EEF1AKMT1: variants seen among roughly 807,000 people sequenced by gnomAD.
EEF1AKMT1 encodes the protein EEF1A lysine methyltransferase 1, also known as N-6 adenine-specific DNA methyltransferase 2 (putative).
In EEF1AKMT1, 18 loss-of-function variants were observed where a neutral mutation model predicts 21.0. The ratio of observed to expected loss-of-function variants is 0.86; its 90% CI spans 0.59 to 1.27. The LOEUF (loss-of-function observed/expected upper bound fraction) is 1.27. EEF1AKMT1 is among the 50% of genes most tolerant of loss of function. The pLI, the probability that EEF1AKMT1 is intolerant of heterozygous loss-of-function variation, is 0.00. For missense variants in EEF1AKMT1, 246 were observed against 258.6 expected (o/e 0.95, Z 0.33); for synonymous variants, 109 against 94.8 (o/e 1.15, Z -0.87).
chr13:20,728,910 C>A lies in EEF1AKMT1; in HGVS notation c.*170G>T. 2 of 793,990 alleles carry A rather than the reference C, an allele frequency of 2.5e-6. No homozygotes were observed. Among genetic ancestry groups the A allele is most frequent in the Non-Finnish European group, 2.0e-6 (1 of 504,148 alleles). The allele number at this position is 793,990 out of a possible 1,614,324, so 49.2% of individuals were successfully genotyped here. A position where few individuals can be genotyped will look rare whatever the true frequency, so the allele number is the denominator to read the frequency against. The stretch of plus-strand genomic sequence containing the variant: ...GGCAGAAGACTGAGCTCTAGGGACG[C>A]CCTCCCTAAGGAAACAATAATGAAG... On this transcript the variant is annotated 3_prime_UTR_variant, in exon 5 of 5. Transcript: ENST00000382758.
chr13:20,738,699 A>G (rs751472263), intron 2 of EEF1AKMT1, among the ~76,000 whole-genome samples: 1 of 152,232 alleles, frequency 6.6e-6, no homozygotes, highest in Non-Finnish European at 1.5e-5. Flanking sequence ...AGTCTTGGAA[A>G]CATTACACTG....
chr13:20,760,486 A>G (rs1398979326), intron 1 of EEF1AKMT1, among the ~76,000 whole-genome samples: 1 of 152,100 alleles, frequency 6.6e-6, no homozygotes, highest in Non-Finnish European at 1.5e-5. Context: ...GAGCTAAACA[A>G]TGGGTACAGG....
intron 1 of EEF1AKMT1, among the ~76,000 whole-genome samples, chr13:20,770,974 A>C (rs965345705): frequency 1.3e-5 from 2 of 151,474 alleles, no homozygotes; most frequent in Admixed American, 6.6e-5. Context: ...CAAATTCCCC[A>C]GCTCAAGCAA....
At chr13:20,736,733 C>CTTTTTTT (rs71087090) in intron 3 of EEF1AKMT1, among the ~76,000 whole-genome samples, 9 of 87,074 alleles carry the variant, frequency 1.0e-4, no homozygotes, top group African/African-American at 1.4e-4. Context: ...AACCATTTGA[C>CTTTTTTT]TTTTTTTTTT....
chr13:20,750,063 G>C (rs1377441084), intron 2 of EEF1AKMT1, among the ~76,000 whole-genome samples: 1 of 152,046 alleles, frequency 6.6e-6, no homozygotes, highest in African/African-American at 2.4e-5. Flanking sequence ...TTATCTGCTA[G>C]TTTTCCAATG....
At chr13:20,761,744 T>C (rs963462687) in intron 1 of EEF1AKMT1, among the ~76,000 whole-genome samples, 2 of 152,220 alleles carry the variant, frequency 1.3e-5, no homozygotes, top group South Asian at 2.1e-4. Context: ...TGCAGTCATG[T>C]AGTTGTTTTT....
At chr13:20,760,021 C>T (rs901810177) in intron 1 of EEF1AKMT1, among the ~76,000 whole-genome samples, 72 of 143,942 alleles carry the variant, frequency 5.0e-4, no homozygotes, top group African/African-American at 1.2e-3. Flanking sequence ...AGGAGAATGG[C>T]GCGAACCCGG....
In EEF1AKMT1 at chr13:20,731,759, G is replaced by T. The variant is rs1159989812; in HGVS notation, c.508+82C>A. On this transcript the variant is annotated intron_variant, in intron 4 of 4. Coordinates refer to ENST00000382758, the MANE Select transcript of EEF1AKMT1 (RefSeq NM_001318939.2). ...GTTCACAAGTCACACAGGAAGTGGT[G>T]GACTCAGGATTTTTTCTTGACCCTG... 1.0e-5 allele frequency: 14 copies of T among 1,397,722 alleles called. No individual in the cohort carries two copies. In the East Asian group the frequency reaches 1.4e-4, roughly 14 times the overall value. 86.6% of individuals were successfully genotyped at this position (1,397,722 alleles called of 1,614,324 possible).
At position 20,773,923 on chromosome 13, in the gene EEF1AKMT1, G is replaced by A. The variant is rs2059076871; in HGVS notation, c.-22C>T. Reference sequence around the variant, plus strand: ...CTGCGCCCGAACCCGCCACTCACCAGCCGCGCGTGCGCAGTCGCCCAGACT... The same window carrying A: ...CTGCGCCCGAACCCGCCACTCACCAACCGCGCGTGCGCAGTCGCCCAGACT... On this transcript the variant is annotated splice_region_variant and 5_prime_UTR_variant, in exon 1 of 5. Transcript: ENST00000382758. The A allele has an allele frequency of 6.6e-6, 1 of 152,526 alleles. No individual in the cohort carries two copies. Among genetic ancestry groups the A allele is most frequent in the Non-Finnish European group, 1.5e-5 (1 of 68,280 alleles). The allele number at this position is 152,526 out of a possible 1,614,324, so 9.4% of individuals were successfully genotyped here.
rs143391194 is a variant in EEF1AKMT1, at chr13:20,744,135, A to G, written c.145-6330T>C. Among the ~76,000 whole-genome samples the G allele has an allele frequency of 1.8e-3, 278 of 152,284 alleles. 2 individuals are homozygous for G. Among genetic ancestry groups the G allele is most frequent in the African/African-American group, 6.5e-3 (269 of 41,550 alleles). ...GTTGGTTCCAAGTCTTTGCTACTGTAAACAGTGCTGCAATAAACATATGTG... is the reference window on the plus strand; with the variant it reads ...GTTGGTTCCAAGTCTTTGCTACTGTGAACAGTGCTGCAATAAACATATGTG... On this transcript the variant is annotated intron_variant, in intron 2 of 4. Coordinates refer to ENST00000382758, the MANE Select transcript of EEF1AKMT1 (RefSeq NM_001318939.2).
Position 20,729,916 on chromosome 13 carries a change from C to T in EEF1AKMT1, c.509-700G>A, listed in dbSNP as rs371440810. 2.7e-4 allele frequency among the ~76,000 whole-genome samples: 41 copies of T among 152,350 alleles called. No homozygotes were observed. In the South Asian group the frequency reaches 7.5e-3, roughly 28 times the overall value. On this transcript the variant is annotated intron_variant, in intron 4 of 4. Coordinates refer to ENST00000382758, the MANE Select transcript of EEF1AKMT1 (RefSeq NM_001318939.2). ...CCCCAAAACCTCGGTCAAGTTAAAG[C>T]GAACGTCTTACGTCTTCAGACAAGT...
intron 1 of EEF1AKMT1, among the ~76,000 whole-genome samples, chr13:20,771,568 A>G (rs547476953): frequency 1.3e-5 from 2 of 152,340 alleles, no homozygotes; most frequent in South Asian, 2.1e-4. Flanking sequence ...TTAGATGACA[A>G]TAAGATTAAT....
At chr13:20,729,365 T>C (rs569235199) in intron 4 of EEF1AKMT1, 149 bp from the exon 5 acceptor site, 2 of 847,670 alleles carry the variant, frequency 2.4e-6, no homozygotes, top group Non-Finnish European at 3.6e-6. Context: ...GTTCTTTACA[T>C]TCCCTTTCAC....
At chr13:20,755,767 A>G (rs1306098967) in intron 2 of EEF1AKMT1, among the ~76,000 whole-genome samples, 2 of 152,250 alleles carry the variant, frequency 1.3e-5, no homozygotes, top group Non-Finnish European at 2.9e-5. Context: ...TATGCTTTCT[A>G]TATTTCCTCA....
intron 2 of EEF1AKMT1, among the ~76,000 whole-genome samples, chr13:20,739,183 C>T (rs893258102): frequency 6.6e-6 from 1 of 151,926 alleles, no homozygotes; most frequent in Non-Finnish European, 1.5e-5. Flanking sequence ...TCTTTGCTCC[C>T]AGTGGGTTGG....
intron 3 of EEF1AKMT1, among the ~76,000 whole-genome samples, chr13:20,732,544 G>A (rs2058803766): frequency 6.6e-6 from 1 of 152,078 alleles, no homozygotes; most frequent in East Asian, 1.9e-4. Context: ...TGTTGGCTAG[G>A]CTGGTCTTGA....
At chr13:20,753,538 GTATTCGTGCC>G (rs2058954386) in intron 2 of EEF1AKMT1, among the ~76,000 whole-genome samples, 1 of 152,098 alleles carries the variant, frequency 6.6e-6, no homozygotes, top group Non-Finnish European at 1.5e-5. Flanking sequence ...AGCTATTACT[GTATTCGTGCC>G]TATCTCTCCT....
chr13:20,731,609 C>A (rs1283954233), intron 4 of EEF1AKMT1, among the ~76,000 whole-genome samples: 3 of 152,192 alleles, frequency 2.0e-5, no homozygotes, highest in Non-Finnish European at 2.9e-5. Context: ...ATCAAGTAGT[C>A]ACCATGCACC....
chr13:20,763,373 A>G (rs940568949), intron 1 of EEF1AKMT1, among the ~76,000 whole-genome samples: 6 of 151,896 alleles, frequency 4.0e-5, no homozygotes, highest in African/African-American at 1.5e-4. Context: ...TGCAAAGGTA[A>G]TTGCTGTTTC....
Sources: gnomAD v4.1 joint callset for allele counts (sites outside exome capture counted in the v4.1 genomes callset) on GRCh38, gnomAD v4.1.1 for gene constraint, MANE v1.5 for transcripts, NCBI Gene and HGNC (gene_info 2026-07-23, HGNC 2026-07-21) for gene names.